Variants in ORC1 observed in about 807,000 individuals in gnomAD.
The protein encoded by ORC1 is origin recognition complex, subunit 1 homolog.
Under a neutral mutation model 98.9 loss-of-function variants are expected in ORC1, and 61 were observed. The observed-to-expected ratio is 0.62, with a 90% CI of 0.50 to 0.76. ORC1 has a LOEUF of 0.76. Ranked by LOEUF, ORC1 falls within the 30% of genes least tolerant of loss-of-function variation. ORC1 has a pLI of 0.00. For missense variants in ORC1, 979 were observed against 1,072.2 expected, an observed-to-expected ratio of 0.91 and a Z score of 1.21; for synonymous variants, 385 against 406.9, an observed-to-expected ratio of 0.95 and a Z score of 0.65.
At chr1:52,390,244 ATAC>A (rs1369497144) in intron 6 of ORC1, among the ~76,000 whole-genome samples, 1 of 152,244 alleles carries the variant, frequency 6.6e-6, no homozygotes, top group Admixed American at 6.5e-5. Context: ...AGACAAAGCA[ATAC>A]TAAGCAAAAA....
chr1:52,403,139 T>C (rs1186146569), intron 1 of ORC1, among the ~76,000 whole-genome samples: 1 of 152,228 alleles, frequency 6.6e-6, no homozygotes, highest in African/African-American at 2.4e-5. Context: ...CTGAACATTG[T>C]GGATTGGGCC....
rs1195553407 is a variant in ORC1, at chr1:52,393,432, TCC to T, written c.1082+9_1082+10del. ...ATTTCAATTTGCTCTGTGGGTAATG[TCC>T]CTGGTCACCTCTTTTTGATGTTTTC... On this transcript the variant is annotated intron_variant, in intron 6 of 16. Transcript: ENST00000371568. 1 of 1,614,134 alleles carries T rather than the reference TCC, an allele frequency of 6.2e-7. No homozygotes were observed. Among genetic ancestry groups the T allele is most frequent in the South Asian group, 1.1e-5 (1 of 91,078 alleles).
intron 14 of ORC1, among the ~76,000 whole-genome samples, chr1:52,379,267 G>A (rs1449947149): frequency 1.3e-4 from 19 of 147,192 alleles, no homozygotes; most frequent in Admixed American, 6.8e-4. Context: ...TTTCTGAGAC[G>A]GAGTCTCGCT....
chr1:52,390,278 A>G (rs1461606440), intron 6 of ORC1, among the ~76,000 whole-genome samples: 1 of 152,248 alleles, frequency 6.6e-6, no homozygotes, highest in Non-Finnish European at 1.5e-5. Flanking sequence ...GAGGCATCAC[A>G]TTACCTGACT....
At chr1:52,389,880 G>C (rs1235891532) in intron 6 of ORC1, among the ~76,000 whole-genome samples, 2 of 152,172 alleles carry the variant, frequency 1.3e-5, no homozygotes, top group Admixed American at 1.3e-4. Flanking sequence ...GTCCTAGCCA[G>C]AGCAATCAGA....
intron 16 of ORC1, 97 bp from the exon 17 acceptor site, chr1:52,373,472 C>T: frequency 1.9e-6 from 2 of 1,027,738 alleles, no homozygotes; most frequent in East Asian, 5.1e-5. Context: ...AGACACATGG[C>T]CCCCAGGATA....
chr1:52,383,837 A>G lies in ORC1; in HGVS notation c.1856T>C (p.Val619Ala). 6.2e-7 allele frequency: 1 copy of G among 1,613,494 alleles called. No homozygotes were observed. Among genetic ancestry groups the G allele is most frequent in the South Asian group, 1.1e-5 (1 of 91,064 alleles). Residue 619 changes from valine (V) to alanine (A), a missense_variant, in exon 12 of 17, where the codon GTG (valine) becomes GCG (alanine). By Grantham distance (64) the Val-to-Ala change is moderately conservative. Coordinates refer to ENST00000371568, the MANE Select transcript of ORC1 (RefSeq NM_004153.4). ...GSPQETTVLL[V>A]DELDLLWTHK... ...CGCCCATGGGCACCTCACCTCATCC[A>G]CAAGCAGGACGGTGGTTTCCTGAGG...
At chr1:52,396,869 C>A (rs1477441885) in intron 4 of ORC1, among the ~76,000 whole-genome samples, 1 of 152,188 alleles carries the variant, frequency 6.6e-6, no homozygotes, top group Non-Finnish European at 1.5e-5. Context: ...ATTACTTAAA[C>A]TAATTTTTCA....
At chr1:52,377,839 G>C (rs1647014353) in intron 14 of ORC1, among the ~76,000 whole-genome samples, 1 of 150,546 alleles carries the variant, frequency 6.6e-6, no homozygotes, top group South Asian at 2.1e-4. Flanking sequence ...AAAAAAATAA[G>C]AAAACCAAGC....
rs562089500 is a variant in ORC1, at chr1:52,387,623, A to G, written c.1383+819T>C. 3.3e-5 allele frequency among the ~76,000 whole-genome samples: 5 copies of G among 152,070 alleles called. No individual in the cohort carries two copies. In the South Asian group the frequency reaches 1.0e-3, roughly 32 times the overall value. On this transcript the variant is annotated intron_variant, in intron 8 of 16. Transcript: ENST00000371568. Reference sequence around the variant, plus strand: ...CAGGCACCTGCCACCATGCCTGGCTAATTTTTGTATTTTAAGCAGAGACAG... The same window carrying G: ...CAGGCACCTGCCACCATGCCTGGCTGATTTTTGTATTTTAAGCAGAGACAG...
At chr1:52,391,080 G>A (rs1016368521) in intron 6 of ORC1, among the ~76,000 whole-genome samples, 1 of 151,790 alleles carries the variant, frequency 6.6e-6, no homozygotes, top group Non-Finnish European at 1.5e-5. Context: ...GGAGGCTGAG[G>A]CAGGTGGATC....
At chr1:52,391,801 G>C (rs1297623610) in intron 6 of ORC1, among the ~76,000 whole-genome samples, 1 of 151,778 alleles carries the variant, frequency 6.6e-6, no homozygotes, top group African/African-American at 2.4e-5. Flanking sequence ...AGGAGGTTGA[G>C]GCAGGAGAAT....
intron 2 of ORC1, 42 bp downstream of exon 2, chr1:52,402,087 G>GA (rs1389491296): frequency 7.2e-7 from 1 of 1,398,030 alleles, no homozygotes; most frequent in Non-Finnish European, 1.0e-6. Context: ...TTTAGCTTGA[G>GA]AAGCTGTATT....
rs1647741184 is a variant in ORC1 at position 52,402,166 on chromosome 1, G to T, written c.58C>A (p.Pro20Thr). The T allele has an allele frequency of 1.9e-6, 3 of 1,614,120 alleles. No homozygotes were observed. The East Asian group carries it at 6.7e-5, about 36-fold the overall frequency. ...TRKTYSWVGR[P>T]LLDRKLHYQT... ...TAGTGCAGTTTTCGATCCAACAAGG[G>T]CCTGCCAACCCATGAATAAGTTTTT... The change falls in exon 2 of 17, where the codon CCC becomes ACC. Residue 20 changes from proline to threonine, a missense_variant. By Grantham distance (38) the Pro-to-Thr change is conservative. Transcript: ENST00000371568.
intron 14 of ORC1, among the ~76,000 whole-genome samples, chr1:52,378,725 A>T (rs1253065551): frequency 6.6e-6 from 1 of 151,846 alleles, no homozygotes; most frequent in Non-Finnish European, 1.5e-5. Context: ...TCAGGAGAAG[A>T]TTTAAAAATA....
chr1:52,399,517 G>A (rs1412398207), intron 3 of ORC1, among the ~76,000 whole-genome samples: 5 of 151,704 alleles, frequency 3.3e-5, no homozygotes, highest in Admixed American at 6.6e-5. Flanking sequence ...TCAGCTACTC[G>A]GGAGGCTGAG....
At chr1:52,403,742 G>A (rs1221709998) in intron 1 of ORC1, among the ~76,000 whole-genome samples, 2 of 152,118 alleles carry the variant, frequency 1.3e-5, no homozygotes, top group Non-Finnish European at 2.9e-5. Flanking sequence ...CAGCCCAGCA[G>A]TTAGGAGCTC....
At position 52,389,325 on chromosome 1, in the gene ORC1, C is replaced by G. The variant is rs797045850; in HGVS notation, c.1083-4G>C. The G allele has an allele frequency of 1.2e-6, 2 of 1,611,454 alleles. No individual in the cohort carries two copies. Among genetic ancestry groups the G allele is most frequent in the South Asian group, 2.2e-5 (2 of 91,040 alleles). On this transcript the variant is annotated splice_region_variant and splice_polypyrimidine_tract_variant and intron_variant, in intron 6 of 16. Coordinates refer to ENST00000371568, the MANE Select transcript of ORC1 (RefSeq NM_004153.4). ...GGCTTTTGCTTCTTTTGCATCCCTG[C>G]AAGAAACCACAGCGAGGTCACGGGA...
At chr1:52,405,111 G>T (rs747084373), upstream of ORC1, among the ~76,000 whole-genome samples, 2 of 152,224 alleles carry the variant, frequency 1.3e-5, no homozygotes, top group Non-Finnish European at 2.9e-5. Flanking sequence ...GGTGTTGTGA[G>T]TTATTCCGTA....
Sources: gnomAD v4.1 joint callset for allele counts (sites outside exome capture counted in the v4.1 genomes callset) on GRCh38, gnomAD v4.1.1 for gene constraint, MANE v1.5 for transcripts, NCBI Gene and HGNC (gene_info 2026-07-23, HGNC 2026-07-21) for gene names.